The following UBE2W variants were observed in gnomAD, a reference collection of about 807,000 sequenced individuals.
UBE2W encodes ubiquitin-conjugating enzyme E2 W.
UBE2W carries 18 observed loss-of-function variants against 27.2 expected under a neutral mutation model. The observed-to-expected ratio is 0.66, with a 90% CI of 0.46 to 0.98. The LOEUF (loss-of-function observed/expected upper bound fraction) is 0.98. UBE2W is among the 50% of genes least tolerant of loss of function. The pLI is 0.00. For synonymous variants in UBE2W, 53 were observed against 57.2 expected, an observed-to-expected ratio of 0.93 and a Z score of 0.33; for missense variants, 90 against 180.2, an observed-to-expected ratio of 0.50 and a Z score of 2.87.
At chr8:73,864,136 G>A (rs896992767) in intron 1 of UBE2W, among the ~76,000 whole-genome samples, 2 of 152,226 alleles carry the variant, frequency 1.3e-5, no homozygotes, top group Admixed American at 1.3e-4. Context: ...GCTCACGCCT[G>A]TAATCCCAGC....
intron 1 of UBE2W, among the ~76,000 whole-genome samples, chr8:73,858,312 G>C (rs1811387826): frequency 7.4e-6 from 1 of 135,730 alleles, no homozygotes. Context: ...AGTGAGCCGA[G>C]ATTATGTCAT....
intron 5 of UBE2W, 118 bp from the exon 6 acceptor site, chr8:73,794,233 G>C: frequency 8.0e-7 from 1 of 1,251,756 alleles, no homozygotes; most frequent in Non-Finnish European, 1.1e-6. Flanking sequence ...TTACATGTCT[G>C]ATCTGCCTCC....
chr8:73,850,725 TAAAAAAA>T (rs11318665), intron 1 of UBE2W, among the ~76,000 whole-genome samples: 2 of 63,590 alleles, frequency 3.1e-5, no homozygotes, highest in South Asian at 6.4e-4. Flanking sequence ...AGCAGGACAT[TAAAAAAA>T]AAAAAAAAAA....
chr8:73,874,217 G>C (rs539654813), intron 1 of UBE2W, among the ~76,000 whole-genome samples: 14 of 152,004 alleles, frequency 9.2e-5, no homozygotes, highest in African/African-American at 3.1e-4. Context: ...GGATCACGAG[G>C]TCAGGAGATG....
chr8:73,870,231 A>C, intron 1 of UBE2W: 10 of 1,571,244 alleles, frequency 6.4e-6, no homozygotes, highest in Non-Finnish European at 8.6e-6. Context: ...ACTAATTCTC[A>C]AGTTTTGAAG....
chr8:73,873,316 A>G (rs1330079366), intron 1 of UBE2W, among the ~76,000 whole-genome samples: 1 of 152,210 alleles, frequency 6.6e-6, no homozygotes, highest in Non-Finnish European at 1.5e-5. Flanking sequence ...AATGTCTGTA[A>G]GAGTCCATGT....
At chr8:73,853,314 G>C (rs1335230781) in intron 1 of UBE2W, among the ~76,000 whole-genome samples, 1 of 152,146 alleles carries the variant, frequency 6.6e-6, no homozygotes, top group Non-Finnish European at 1.5e-5. Context: ...TATTTATTTG[G>C]CAAAGTCTTA....
At chr8:73,824,944 A>C (rs1161504306) in intron 3 of UBE2W, among the ~76,000 whole-genome samples, 3 of 152,248 alleles carry the variant, frequency 2.0e-5, no homozygotes, top group Non-Finnish European at 2.9e-5. Context: ...AACAAATGAA[A>C]CAATTTTAGA....
intron 4 of UBE2W, among the ~76,000 whole-genome samples, chr8:73,781,089 G>A (rs985169687): frequency 1.3e-5 from 2 of 151,408 alleles, no homozygotes; most frequent in African/African-American, 2.4e-5. Context: ...GGCCAACATG[G>A]TGAAACCCTG....
intron 3 of UBE2W, 129 bp from the exon 4 acceptor site, chr8:73,810,758 A>G: frequency 1.6e-6 from 1 of 617,758 alleles, no homozygotes; most frequent in Non-Finnish European, 2.5e-6. Flanking sequence ...CAGGAACATG[A>G]TAAACAACTG....
Position 73,788,805 on chromosome 8 carries a change from C to T in UBE2W, c.*5297G>A, listed in dbSNP as rs1340781194. On this transcript the variant is annotated 3_prime_UTR_variant, in exon 6 of 6. Transcript: ENST00000602593. ...TCTCAAAACCCAGAGAGTGTATGTG[C>T]CAAGGACTAGAACAAGAATTGGATC... is the stretch of plus-strand genomic sequence containing the variant. 1.0e-6 allele frequency: 1 copy of T among 985,188 alleles called. No homozygotes were observed. Among genetic ancestry groups the T allele is most frequent in the Non-Finnish European group, 1.2e-6 (1 of 829,936 alleles). 61.0% of individuals were successfully genotyped at this position (985,188 alleles called of 1,614,324 possible).
At chr8:73,863,554 T>A (rs1394473173) in intron 1 of UBE2W, among the ~76,000 whole-genome samples, 1 of 146,250 alleles carries the variant, frequency 6.8e-6, no homozygotes, top group African/African-American at 2.6e-5. Flanking sequence ...AATGTGCACA[T>A]GTACCCTAAA....
Position 73,786,461 on chromosome 8 carries a change from T to A in UBE2W, c.*7641A>T, listed in dbSNP as rs765096859. On this transcript the variant is annotated 3_prime_UTR_variant, in exon 6 of 6. Coordinates refer to ENST00000602593, the MANE Select transcript of UBE2W (RefSeq NM_018299.6). The stretch of plus-strand genomic sequence containing the variant: ...TGTATACTAGGTACTGTGTGCTACG[T>A]GCTGGGGACACAAACACAATTGCAA... The A allele has an allele frequency of 9.4e-5, 93 of 984,990 alleles. No homozygotes were observed. Among genetic ancestry groups the A allele is most frequent in the Middle Eastern group, 1.0e-3 (2 of 1,912 alleles). 61.0% of individuals were successfully genotyped at this position (984,990 alleles called of 1,614,324 possible).
chr8:73,802,366 T>C (rs2130858349), intron 5 of UBE2W, among the ~76,000 whole-genome samples: 1 of 152,364 alleles, frequency 6.6e-6, no homozygotes, highest in East Asian at 1.9e-4. Context: ...TTTTTGCCTA[T>C]TTTGTTTTTT....
At chr8:73,834,021 AG>A (rs1384840498) in intron 1 of UBE2W, 2 of 152,252 alleles carry the variant, frequency 1.3e-5, no homozygotes, top group Non-Finnish European at 2.9e-5. Flanking sequence ...CTGGGACAAC[AG>A]GCACCTACAC....
chr8:73,807,532 G>T (rs932483055), intron 4 of UBE2W, among the ~76,000 whole-genome samples: 1 of 152,142 alleles, frequency 6.6e-6, no homozygotes, highest in East Asian at 1.9e-4. Context: ...GCATAAGACA[G>T]TCAAGACATT....
Position 73,792,902 on chromosome 8 carries a change from C to A in UBE2W, c.*1200G>T, listed in dbSNP as rs1306164434. The A allele has an allele frequency of 2.0e-6, 2 of 985,530 alleles. No individual in the cohort carries two copies. The highest frequency in any genetic ancestry group is 3.5e-5 in the African/African-American group (2 of 57,192). 61.0% of individuals were successfully genotyped at this position (985,530 alleles called of 1,614,324 possible). On this transcript the variant is annotated 3_prime_UTR_variant, in exon 6 of 6. Transcript: ENST00000602593. ...TGGCTGTGTGAGACAAATAAGCAAC[C>A]ATTTGATAGTGACTTTTGCCTAAAT...
intron 1 of UBE2W, among the ~76,000 whole-genome samples, chr8:73,859,077 A>C (rs944509298): frequency 6.6e-6 from 1 of 151,936 alleles, no homozygotes; most frequent in African/African-American, 2.4e-5. Flanking sequence ...TTCTTCAAGC[A>C]CAGCTGACCC....
chr8:73,855,740 T>C (rs999549903), intron 1 of UBE2W, among the ~76,000 whole-genome samples: 4 of 152,182 alleles, frequency 2.6e-5, no homozygotes, highest in African/African-American at 7.2e-5. Flanking sequence ...CAGTGCTGTA[T>C]ATGGTCTGTA....
Sources: gnomAD v4.1 joint callset for allele counts (sites outside exome capture counted in the v4.1 genomes callset) on GRCh38, gnomAD v4.1.1 for gene constraint, MANE v1.5 for transcripts, NCBI Gene and HGNC (gene_info 2026-07-23, HGNC 2026-07-21) for gene names.